Variants in DISC1 observed in about 807,000 individuals in gnomAD.
DISC1 encodes DISC1 scaffold protein.
A neutral mutation model predicts 84.5 loss-of-function variants in DISC1; 57 were observed. The observed-to-expected ratio is 0.67, with a 90% CI of 0.55 to 0.84. DISC1 has a LOEUF of 0.84. Ranked by LOEUF, DISC1 falls within the 40% of genes least tolerant of loss-of-function variation. DISC1 has a pLI of 0.00. For missense variants in DISC1, 1,000 were observed against 1,057.8 expected, an observed-to-expected ratio of 0.95 and a Z score of 0.76; for synonymous variants, 411 against 415.2, an observed-to-expected ratio of 0.99 and a Z score of 0.12.
intron 10 of DISC1, among the ~76,000 whole-genome samples, chr1:231,996,824 C>T (rs1408968904): frequency 6.6e-6 from 1 of 152,140 alleles, no homozygotes; most frequent in Admixed American, 6.5e-5. Flanking sequence ...AAGAACTTAC[C>T]CCCAAACACT....
At position 232,040,467 on chromosome 1, in the gene DISC1, C is replaced by T. The variant is rs1670739940; in HGVS notation, c.*3636C>T. 1 of 152,148 alleles carries T rather than the reference C, an allele frequency of 6.6e-6. No homozygotes were observed. The allele number at this position is 152,148 out of a possible 1,614,324, so 9.4% of individuals were successfully genotyped here. ...CTTTACAGTCATATCCTATAATCCC[C>T]ATATCAACCTTATAAGGAAGGTGTT... On this transcript the variant is annotated 3_prime_UTR_variant, in exon 13 of 13. Coordinates refer to ENST00000439617, the MANE Select transcript of DISC1 (RefSeq NM_018662.3).
At chr1:231,961,445 C>T (rs756827815) in intron 10 of DISC1, among the ~76,000 whole-genome samples, 13 of 152,040 alleles carry the variant, frequency 8.6e-5, no homozygotes, top group Non-Finnish European at 1.3e-4. Flanking sequence ...ATGGATGTAT[C>T]GTGCGATGCT....
chr1:231,713,373 G>A (rs1463594159), intron 3 of DISC1, among the ~76,000 whole-genome samples: 3 of 152,052 alleles, frequency 2.0e-5, no homozygotes, highest in Non-Finnish European at 4.4e-5. Context: ...TCTTAATGAT[G>A]TCCGAAGAAC....
rs113511582 is a variant in DISC1, at chr1:231,959,859, G to A, written c.2042+971G>A. Among the ~76,000 whole-genome samples the A allele has an allele frequency of 7.6e-3, 1,165 of 152,302 alleles. 8 individuals are homozygous for A. Among genetic ancestry groups the A allele is most frequent in the Non-Finnish European group, 0.011 (719 of 68,030 alleles). On this transcript the variant is annotated intron_variant, in intron 10 of 12. Coordinates refer to ENST00000439617, the MANE Select transcript of DISC1 (RefSeq NM_018662.3). The stretch of plus-strand genomic sequence containing the variant: ...AGCTTGCACCTGGGTCAGATGCTCC[G>A]CTCTGAGTCTGGCCTTCCTCCTCTC...
intron 3 of DISC1, among the ~76,000 whole-genome samples, chr1:231,748,281 G>A (rs564409091): frequency 6.6e-6 from 1 of 152,298 alleles, no homozygotes; most frequent in Non-Finnish European, 1.5e-5. Context: ...TGTTGAATAA[G>A]ACTGGTGACA....
chr1:231,922,244 A>G (rs1194826344), intron 9 of DISC1, among the ~76,000 whole-genome samples: 1 of 152,194 alleles, frequency 6.6e-6, no homozygotes, highest in Non-Finnish European at 1.5e-5. Flanking sequence ...CTGCTATGAA[A>G]TATCTAGCAT....
chr1:231,647,066 AATTAG>A (rs2060199670), intron 1 of DISC1, among the ~76,000 whole-genome samples: 1 of 152,116 alleles, frequency 6.6e-6, no homozygotes, highest in South Asian at 2.1e-4. Flanking sequence ...TCTTTAGTTT[AATTAG>A]ATCCCATTTG....
chr1:231,642,486 C>T (rs2059806911), intron 1 of DISC1, among the ~76,000 whole-genome samples: 1 of 152,240 alleles, frequency 6.6e-6, no homozygotes, highest in Admixed American at 6.5e-5. Flanking sequence ...ATCTCTAGTG[C>T]TGCTGGCGAT....
intron 9 of DISC1, among the ~76,000 whole-genome samples, chr1:231,930,014 G>C (rs899020325): frequency 2.6e-5 from 4 of 152,124 alleles, no homozygotes; most frequent in Non-Finnish European, 5.9e-5. Context: ...TGTTAGCCCT[G>C]GACATCAAGC....
At chr1:231,842,834 A>G (rs947130934) in intron 9 of DISC1, among the ~76,000 whole-genome samples, 1 of 152,200 alleles carries the variant, frequency 6.6e-6, no homozygotes, top group African/African-American at 2.4e-5. Context: ...AAAGAAAAAA[A>G]TATATAGGAT....
intron 9 of DISC1, among the ~76,000 whole-genome samples, chr1:231,912,335 A>G (rs1027752118): frequency 9.9e-5 from 15 of 152,272 alleles, no homozygotes; most frequent in African/African-American, 3.6e-4. Flanking sequence ...GTCTTTGATG[A>G]TGGTGATGTA....
chr1:231,686,758 A>C (rs928687908), intron 1 of DISC1, among the ~76,000 whole-genome samples: 1 of 152,074 alleles, frequency 6.6e-6, no homozygotes, highest in African/African-American at 2.4e-5. Flanking sequence ...TTTCTGTCAC[A>C]TTGTTATGCT....
chr1:231,975,729 A>T (rs1252076745), intron 10 of DISC1, among the ~76,000 whole-genome samples: 2 of 152,264 alleles, frequency 1.3e-5, no homozygotes, highest in Non-Finnish European at 2.9e-5. Flanking sequence ...CAGACACAGA[A>T]CATCAAATAT....
intron 9 of DISC1, among the ~76,000 whole-genome samples, chr1:231,931,318 C>T (rs2090639567): frequency 6.6e-6 from 1 of 152,186 alleles, no homozygotes; most frequent in Non-Finnish European, 1.5e-5. Context: ...ATTTCTCTAA[C>T]CTTAGGTGGA....
Position 231,730,619 on chromosome 1 carries a change from C to T in DISC1, c.1118-19307C>T, listed in dbSNP as rs548187865. Among the ~76,000 whole-genome samples the T allele has an allele frequency of 2.0e-5, 3 of 152,308 alleles. No homozygotes were observed. The East Asian group carries it at 5.8e-4, about 29-fold the overall frequency. ...TGTTAATATGGAATTGGCCCAATAA[C>T]AACTGGCTGAATGTATAAGTTGGAT... On this transcript the variant is annotated intron_variant, in intron 3 of 12. Coordinates refer to ENST00000439617, the MANE Select transcript of DISC1 (RefSeq NM_018662.3).
intron 1 of DISC1, among the ~76,000 whole-genome samples, chr1:231,689,374 C>T (rs1390565109): frequency 6.6e-6 from 1 of 152,026 alleles, no homozygotes; most frequent in East Asian, 1.9e-4. Flanking sequence ...CTCTGTCACC[C>T]AGACTGGAGT....
intron 6 of DISC1, among the ~76,000 whole-genome samples, chr1:231,777,529 A>G (rs1351274066): frequency 6.6e-6 from 1 of 152,032 alleles, no homozygotes; most frequent in Non-Finnish European, 1.5e-5. Flanking sequence ...CCCCTTTTTA[A>G]GTAAAGTAGA....
intron 1 of DISC1, among the ~76,000 whole-genome samples, chr1:231,627,350 GA>G (rs1558189727): frequency 6.6e-6 from 1 of 152,246 alleles, no homozygotes; most frequent in African/African-American, 2.4e-5. Flanking sequence ...GCCCCCTCGG[GA>G]CAGGGGACGT....
At chr1:231,703,085 A>G (rs2066610573) in intron 3 of DISC1, among the ~76,000 whole-genome samples, 2 of 152,224 alleles carry the variant, frequency 1.3e-5, no homozygotes, top group African/African-American at 4.8e-5. Context: ...GGAATAAGAT[A>G]AGTGATTTCC....
Sources: gnomAD v4.1 joint callset for allele counts (sites outside exome capture counted in the v4.1 genomes callset) on GRCh38, gnomAD v4.1.1 for gene constraint, MANE v1.5 for transcripts, NCBI Gene and HGNC (gene_info 2026-07-23, HGNC 2026-07-21) for gene names.